CNTN5: variants seen among roughly 807,000 people sequenced by gnomAD.
The protein encoded by CNTN5 is contactin 5.
CNTN5 carries 77 observed loss-of-function variants against 129.1 expected under a neutral mutation model. The observed-to-expected ratio is 0.60, with a 90% CI of 0.50 to 0.72. The LOEUF is 0.72. Ranked by LOEUF, CNTN5 falls within the 30% of genes least tolerant of loss-of-function variation. CNTN5 has a pLI of 0.00. For synonymous variants in CNTN5, 509 were observed against 465.6 expected (o/e 1.09, Z -1.20); for missense variants, 1,478 against 1,328.8 (o/e 1.11, Z -1.75).
chr11:100,042,456 C>T (rs1942437009), intron 9 of CNTN5, among the ~76,000 whole-genome samples: 1 of 152,044 alleles, frequency 6.6e-6, no homozygotes, highest in Admixed American at 6.6e-5. Context: ...TCACTTGTGA[C>T]TTATGCAAGG....
At chr11:99,116,984 T>A (rs570149279) in intron 1 of CNTN5, among the ~76,000 whole-genome samples, 12 of 152,128 alleles carry the variant, frequency 7.9e-5, no homozygotes, top group African/African-American at 2.9e-4. Flanking sequence ...AAATGTGATA[T>A]ACTATATGGC....
chr11:99,905,474 C>A (rs914276993), intron 6 of CNTN5, among the ~76,000 whole-genome samples: 4 of 152,024 alleles, frequency 2.6e-5, no homozygotes, highest in African/African-American at 9.7e-5. Context: ...ATAATTGAGG[C>A]CTCTGTTGTG....
intron 1 of CNTN5, among the ~76,000 whole-genome samples, chr11:99,110,319 G>A (rs1488420537): frequency 1.3e-5 from 2 of 152,106 alleles, no homozygotes; most frequent in African/African-American, 4.8e-5. Flanking sequence ...ACTGGGGAGT[G>A]GTGAAAAGAA....
intron 3 of CNTN5, among the ~76,000 whole-genome samples, chr11:99,654,094 G>A (rs77421649): frequency 0.12 from 17,788 of 152,068 alleles, 1,368 homozygotes; most frequent in South Asian, 0.24. Flanking sequence ...CAAACAAGCA[G>A]TGAAAGCACA....
At chr11:99,356,879 T>C (rs1938710126) in intron 2 of CNTN5, among the ~76,000 whole-genome samples, 1 of 152,200 alleles carries the variant, frequency 6.6e-6, no homozygotes, top group African/African-American at 2.4e-5. Context: ...GCTTCTATTT[T>C]TAAAGATTAT....
At chr11:99,939,610 T>C (rs772499158) in intron 7 of CNTN5, among the ~76,000 whole-genome samples, 14 of 143,178 alleles carry the variant, frequency 9.8e-5, no homozygotes, top group Non-Finnish European at 7.9e-5. Context: ...GTATCAATAG[T>C]CAACCAAATA....
At chr11:99,060,387 A>C (rs180886560) in intron 1 of CNTN5, among the ~76,000 whole-genome samples, 1 of 152,150 alleles carries the variant, frequency 6.6e-6, no homozygotes, top group African/African-American at 2.4e-5. Flanking sequence ...GAAAGTTTTT[A>C]TTTTAAAAAT....
intron 1 of CNTN5, among the ~76,000 whole-genome samples, chr11:99,062,150 C>CT (rs1271755329): frequency 6.6e-6 from 1 of 152,068 alleles, no homozygotes; most frequent in East Asian, 1.9e-4. Context: ...AGCAAATTAT[C>CT]TTTTCAAAAA....
At chr11:99,928,205 C>A (rs1385529643) in intron 7 of CNTN5, among the ~76,000 whole-genome samples, 1 of 152,164 alleles carries the variant, frequency 6.6e-6, no homozygotes, top group Non-Finnish European at 1.5e-5. Flanking sequence ...GGGTACAGCC[C>A]CCTCTCAGCT....
chr11:100,117,480 G>C (rs1264579644), intron 13 of CNTN5, among the ~76,000 whole-genome samples: 3 of 151,936 alleles, frequency 2.0e-5, no homozygotes, highest in African/African-American at 7.2e-5. Context: ...AGTATCTGTT[G>C]CAAAATAGTG....
At chr11:99,848,243 G>A (rs2135712418) in intron 6 of CNTN5, among the ~76,000 whole-genome samples, 1 of 152,060 alleles carries the variant, frequency 6.6e-6, no homozygotes, top group South Asian at 2.1e-4. Flanking sequence ...AATTCGGTTG[G>A]CAACTTTCCT....
intron 13 of CNTN5, among the ~76,000 whole-genome samples, chr11:100,120,220 A>C (rs1756676556): frequency 2.0e-5 from 3 of 151,938 alleles, no homozygotes; most frequent in Admixed American, 2.0e-4. Flanking sequence ...CCAGTTACTT[A>C]CTTGGAATTT....
chr11:100,294,103 G>A (rs1951054769), intron 18 of CNTN5, among the ~76,000 whole-genome samples: 2 of 151,656 alleles, frequency 1.3e-5, no homozygotes, highest in Middle Eastern at 6.8e-3. Context: ...AAAATTGTAT[G>A]GCCTGTCCCA....
chr11:99,711,473 G>T (rs642149), intron 3 of CNTN5, among the ~76,000 whole-genome samples: 89,838 of 151,134 alleles, frequency 0.59, 26,855 homozygotes, highest in Middle Eastern at 0.76. Flanking sequence ...CTTATACATC[G>T]TTTGAAGACA....
At chr11:99,364,142 G>T (rs1293020771) in intron 2 of CNTN5, among the ~76,000 whole-genome samples, 1 of 152,038 alleles carries the variant, frequency 6.6e-6, no homozygotes, top group Admixed American at 6.6e-5. Flanking sequence ...ACAATAAAGA[G>T]AAAAAGGTTT....
intron 13 of CNTN5, among the ~76,000 whole-genome samples, chr11:100,174,411 TGTTTTC>T: frequency 1.3e-5 from 2 of 152,132 alleles, no homozygotes; most frequent in African/African-American, 4.8e-5. Flanking sequence ...TTCTTAACCT[TGTTTTC>T]ATCACAGAGT....
At chr11:99,360,208 T>C (rs1364777246) in intron 2 of CNTN5, among the ~76,000 whole-genome samples, 2 of 152,186 alleles carry the variant, frequency 1.3e-5, no homozygotes, top group African/African-American at 4.8e-5. Flanking sequence ...GCCTTGCCAC[T>C]TTGGCTTTGC....
chr11:99,632,716 C>T (rs948148611), intron 3 of CNTN5, among the ~76,000 whole-genome samples: 9 of 152,000 alleles, frequency 5.9e-5, no homozygotes, highest in Admixed American at 1.3e-4. Context: ...GGTATAGATC[C>T]AGTAATTTTT....
At chr11:99,131,011 C>A (rs1317787759) in intron 1 of CNTN5, among the ~76,000 whole-genome samples, 2 of 151,652 alleles carry the variant, frequency 1.3e-5, no homozygotes, top group Non-Finnish European at 2.9e-5. Flanking sequence ...CCCTGTAATC[C>A]CAGCACTTTG....
Sources: allele counts gnomAD v4.1 joint callset (sites outside exome capture counted in the v4.1 genomes callset), GRCh38; gene constraint gnomAD v4.1.1; transcripts MANE v1.5; gene names NCBI Gene and HGNC (gene_info 2026-07-23, HGNC 2026-07-21).